ZNF236: variants seen among roughly 807,000 people sequenced by gnomAD.
The protein encoded by ZNF236 is zinc finger protein 236.
Under a neutral mutation model 191.2 loss-of-function variants are expected in ZNF236, and 50 were observed. The observed-to-expected ratio is 0.26, with a 90% confidence interval of 0.21 to 0.33. The LOEUF is 0.33. Ranked by LOEUF, ZNF236 falls within the 10% of genes least tolerant of loss-of-function variation. ZNF236 has a pLI of 1.00. For missense variants in ZNF236, 1,754 were observed against 2,374.5 expected (o/e 0.74, Z 5.43); for synonymous variants, 907 against 928.8 (o/e 0.98, Z 0.43).
chr18:76,951,356 T>C (rs779869770), intron 27 of ZNF236, among the ~76,000 whole-genome samples: 4 of 152,238 alleles, frequency 2.6e-5, no homozygotes, highest in Non-Finnish European at 5.9e-5. Context: ...ATCGATGCTC[T>C]TGGCTAGATG....
intron 16 of ZNF236, among the ~76,000 whole-genome samples, chr18:76,911,981 A>AC (rs1967228953): frequency 2.0e-5 from 3 of 152,218 alleles, no homozygotes; most frequent in Non-Finnish European, 4.4e-5. Context: ...ATTAAGATAT[A>AC]TAAAATAATC....
chr18:76,963,381 G>A (rs1480605762), intron 30 of ZNF236, among the ~76,000 whole-genome samples: 1 of 152,084 alleles, frequency 6.6e-6, no homozygotes, highest in Non-Finnish European at 1.5e-5. Flanking sequence ...CACATTTATC[G>A]ACTTGCATAT....
chr18:76,824,123 G>T, intron 1 of ZNF236: 1 of 578,796 alleles, frequency 1.7e-6, no homozygotes, highest in Non-Finnish European at 3.1e-6. Context: ...TAAAGAGCTT[G>T]TGACCAAACA....
At chr18:76,906,806 A>C (rs1977756363) in intron 13 of ZNF236, among the ~76,000 whole-genome samples, 1 of 152,242 alleles carries the variant, frequency 6.6e-6, no homozygotes, top group South Asian at 2.1e-4. Flanking sequence ...GCAGAGCTGC[A>C]GTGCTTTGCT....
chr18:76,844,597 C>T (rs1218500062), intron 1 of ZNF236, among the ~76,000 whole-genome samples: 2 of 152,184 alleles, frequency 1.3e-5, no homozygotes, highest in Non-Finnish European at 2.9e-5. Context: ...TTATATCTCT[C>T]ATTTTAATAT....
Position 76,937,260 on chromosome 18 carries a change from G to T in ZNF236, c.4699G>T (p.Ala1567Ser). The change falls in exon 26 of 31, where the codon GCT becomes TCT. Residue 1567 changes from alanine to serine, a missense_variant. Transcript: ENST00000320610. ...VMSSSGVGGD[A>S]SVTLTLADTQ... The stretch of plus-strand genomic sequence containing the variant: ...GTCCTCGTCGGGCGTGGGAGGTGAC[G>T]CTAGTGTCACGCTGACGCTGGCCGA... 1 of 1,614,138 alleles carries T rather than the reference G, an allele frequency of 6.2e-7. No individual in the cohort carries two copies. The highest frequency in any genetic ancestry group is 8.5e-7 in the Non-Finnish European group (1 of 1,180,026).
chr18:76,846,560 G>A (rs1378404680), intron 1 of ZNF236, among the ~76,000 whole-genome samples: 1 of 152,184 alleles, frequency 6.6e-6, no homozygotes, highest in Non-Finnish European at 1.5e-5. Context: ...ATTATGCTCA[G>A]TGTGGAAACT....
At position 76,956,069 on chromosome 18, in the gene ZNF236, G is replaced by A. The variant is rs543685916; in HGVS notation, c.4999G>A (p.Ala1667Thr). The part of the protein sequence containing the change: ...RAHQCLECDR[A>T]FSSAAVLMHH... The stretch of plus-strand genomic sequence containing the variant: ...GCACCAGTGCCTGGAGTGTGACCGC[G>A]CCTTCTCATCGGCGGCGGTGCTCAT... The change falls in exon 28 of 31, where the codon GCC becomes ACC. Residue 1667 changes from alanine to threonine, a missense_variant. This residue lies in a region of ZNF236 where 606 missense variants were observed against 761.5 expected (regional missense o/e 0.80). Transcript: ENST00000320610. 25 of 1,606,744 alleles carry A rather than the reference G, an allele frequency of 1.6e-5. No homozygotes were observed. The African/African-American group carries it at 2.3e-4, about 15-fold the overall frequency.
Position 76,897,616 on chromosome 18 carries a change from C to G in ZNF236, c.1691-1403C>G, listed in dbSNP as rs575186998. On this transcript the variant is annotated intron_variant, in intron 10 of 30. Transcript: ENST00000320610. ...ACCAAACAGTACTGCACACAGGCAT[C>G]ATGCACAGTACCAAACACAGTACTG... Among the ~76,000 whole-genome samples the G allele has an allele frequency of 2.0e-5, 3 of 152,078 alleles. No individual in the cohort carries two copies. In the East Asian group the frequency reaches 5.8e-4, roughly 29 times the overall value.
intron 1 of ZNF236, among the ~76,000 whole-genome samples, chr18:76,846,844 A>G (rs1311978286): frequency 1.3e-5 from 2 of 151,346 alleles, no homozygotes; most frequent in Non-Finnish European, 2.9e-5. Flanking sequence ...GCCCAGGCTG[A>G]AGTGCAGTGG....
At chr18:76,847,023 C>A (rs1469882463) in intron 1 of ZNF236, among the ~76,000 whole-genome samples, 3 of 151,796 alleles carry the variant, frequency 2.0e-5, no homozygotes, top group Admixed American at 1.3e-4. Context: ...AAACTCCTGA[C>A]CTCTGGTGAT....
intron 1 of ZNF236, among the ~76,000 whole-genome samples, chr18:76,836,670 C>T (rs148241129): frequency 0.012 from 1,774 of 151,874 alleles, 25 homozygotes; most frequent in African/African-American, 0.037. Flanking sequence ...CTCTGCTTCC[C>T]GGGTTCATGC....
intron 1 of ZNF236, among the ~76,000 whole-genome samples, chr18:76,835,109 C>T (rs1334916830): frequency 1.3e-5 from 2 of 151,876 alleles, no homozygotes; most frequent in Non-Finnish European, 2.9e-5. Flanking sequence ...TAACTGCATC[C>T]ACAAAATTTT....
At chr18:76,956,653 T>C (rs112820183) in intron 28 of ZNF236, among the ~76,000 whole-genome samples, 1 of 152,218 alleles carries the variant, frequency 6.6e-6, no homozygotes, top group Non-Finnish European at 1.5e-5. Context: ...CTGCCCACGC[T>C]TTCCACTGCA....
intron 26 of ZNF236, among the ~76,000 whole-genome samples, chr18:76,946,882 T>A (rs978944417): frequency 1.3e-4 from 20 of 152,246 alleles, no homozygotes; most frequent in African/African-American, 3.9e-4. Context: ...TGAGATGTAA[T>A]TTATATAAGT....
chr18:76,838,668 A>T (rs1346939258), intron 1 of ZNF236, among the ~76,000 whole-genome samples: 5 of 152,202 alleles, frequency 3.3e-5, no homozygotes, highest in African/African-American at 1.2e-4. Flanking sequence ...TTGACCCCCA[A>T]TCTAGAGGAA....
intron 1 of ZNF236, among the ~76,000 whole-genome samples, chr18:76,845,646 C>T (rs191037664): frequency 2.4e-4 from 37 of 152,040 alleles, no homozygotes; most frequent in Non-Finnish European, 4.1e-4. Flanking sequence ...GTCAGGAGCT[C>T]GAGACCAGCC....
chr18:76,825,481 A>G (rs1299596423), intron 1 of ZNF236, among the ~76,000 whole-genome samples: 2 of 152,184 alleles, frequency 1.3e-5, no homozygotes, highest in East Asian at 1.9e-4. Flanking sequence ...GTGAGGCTGT[A>G]TTACCTTCAT....
intron 11 of ZNF236, among the ~76,000 whole-genome samples, chr18:76,901,539 C>G (rs1228514740): frequency 6.6e-6 from 1 of 152,174 alleles, no homozygotes; most frequent in African/African-American, 2.4e-5. Context: ...TGGGCGATCA[C>G]TCAAGGTCAG....
Sources: gnomAD v4.1 joint callset for allele counts (sites outside exome capture counted in the v4.1 genomes callset) on GRCh38, gnomAD v4.1.1 for gene constraint, gnomAD v4.1.1 regional missense constraint, MANE v1.5 for transcripts, NCBI Gene and HGNC (gene_info 2026-07-23, HGNC 2026-07-21) for gene names.